WASL: variants seen among roughly 807,000 people sequenced by gnomAD.
WASL encodes actin nucleation-promoting factor WASL.
WASL carries 20 observed loss-of-function variants against 55.5 expected under a neutral mutation model. That is an observed-to-expected ratio of 0.36 (90% confidence interval 0.25 to 0.52). The LOEUF is 0.52. Ranked by LOEUF, WASL falls within the 20% of genes least tolerant of loss-of-function variation. WASL has a pLI of 0.92. For missense variants in WASL, 504 were observed against 622.5 expected, an observed-to-expected ratio of 0.81 and a Z score of 2.03; for synonymous variants, 249 against 217.6, an observed-to-expected ratio of 1.14 and a Z score of -1.27.
chr7:123,747,629 A>G (rs1804455509), intron 1 of WASL, among the ~76,000 whole-genome samples: 1 of 152,208 alleles, frequency 6.6e-6, no homozygotes, highest in African/African-American at 2.4e-5. Context: ...CCAGTGGCAC[A>G]TACTCTGCAG....
At chr7:123,706,883 A>T in intron 2 of WASL, 57 bp from the exon 3 acceptor site, 1 of 1,114,766 alleles carries the variant, frequency 9.0e-7, no homozygotes, top group Non-Finnish European at 1.3e-6. Context: ...TCTAGGAATA[A>T]AACAAAGAAG....
At chr7:123,743,336 CAAAAAAAA>C (rs35592197) in intron 1 of WASL, among the ~76,000 whole-genome samples, 2 of 106,216 alleles carry the variant, frequency 1.9e-5, no homozygotes, top group African/African-American at 3.4e-5. Context: ...GACTCTGTCT[CAAAAAAAA>C]AAAAAAAAAA....
intron 10 of WASL, among the ~76,000 whole-genome samples, chr7:123,687,233 G>C (rs946254644): frequency 2.6e-5 from 4 of 151,958 alleles, no homozygotes; most frequent in African/African-American, 9.7e-5. Context: ...TATAAACCTG[G>C]TTCAAGCCTC....
chr7:123,712,748 T>A (rs1326364780), intron 1 of WASL, among the ~76,000 whole-genome samples: 1 of 152,192 alleles, frequency 6.6e-6, no homozygotes, highest in African/African-American at 2.4e-5. Context: ...TGTTAGCCAC[T>A]GCTGCAATGG....
intron 1 of WASL, among the ~76,000 whole-genome samples, 173 bp downstream of exon 1, chr7:123,748,445 C>A (rs1024927969): frequency 6.6e-6 from 1 of 152,020 alleles, no homozygotes; most frequent in South Asian, 2.1e-4. Flanking sequence ...CGCCACGGCC[C>A]GCACCCTGGG....
rs143209894 is a variant in WASL at position 123,691,334 on chromosome 7, C to T, written c.1347+1013G>A. On this transcript the variant is annotated intron_variant, in intron 9 of 10. Transcript: ENST00000223023. Reference sequence around the variant, plus strand: ...TATGTAAATGTAGACAGGTTAGGTTCTAGGATAGGAGTCAGCAAACTTGAG... The same window carrying T: ...TATGTAAATGTAGACAGGTTAGGTTTTAGGATAGGAGTCAGCAAACTTGAG... Among the ~76,000 whole-genome samples, 376 of 152,168 alleles carry T rather than the reference C, an allele frequency of 2.5e-3. 3 individuals carry two copies. Among genetic ancestry groups the T allele is most frequent in the African/African-American group, 8.4e-3 (350 of 41,526 alleles).
intron 1 of WASL, among the ~76,000 whole-genome samples, chr7:123,746,588 A>C (rs1804434188): frequency 6.6e-6 from 1 of 152,234 alleles, no homozygotes; most frequent in Non-Finnish European, 1.5e-5. Context: ...ATTTGCAACG[A>C]CTTCATCCCA....
chr7:123,741,127 G>T (rs1163346221), intron 1 of WASL, among the ~76,000 whole-genome samples: 1 of 152,106 alleles, frequency 6.6e-6, no homozygotes, highest in Non-Finnish European at 1.5e-5. Context: ...TCCTGTCCAG[G>T]GTTGGTTCTT....
At chr7:123,740,595 CTT>C (rs939774304) in intron 1 of WASL, among the ~76,000 whole-genome samples, 1 of 149,770 alleles carries the variant, frequency 6.7e-6, no homozygotes. Context: ...TTCATCATAA[CTT>C]TTTTTTTTGT....
chr7:123,745,756 A>C (rs1191648517), intron 1 of WASL, among the ~76,000 whole-genome samples: 2 of 151,912 alleles, frequency 1.3e-5, no homozygotes, highest in Non-Finnish European at 2.9e-5. Flanking sequence ...TTCATACCTA[A>C]ATCTGAGAGC....
At chr7:123,725,475 C>T (rs1804026467) in intron 1 of WASL, among the ~76,000 whole-genome samples, 1 of 151,730 alleles carries the variant, frequency 6.6e-6, no homozygotes, top group South Asian at 2.1e-4. Flanking sequence ...CCTCTGAAAC[C>T]TATTTCTATT....
chr7:123,685,953 A>G (rs1256187991), intron 10 of WASL, among the ~76,000 whole-genome samples: 1 of 149,436 alleles, frequency 6.7e-6, no homozygotes, highest in Admixed American at 6.7e-5. Flanking sequence ...GTGGCTGAGT[A>G]ATTGTACTTG....
At chr7:123,725,201 C>T (rs1024106138) in intron 1 of WASL, among the ~76,000 whole-genome samples, 3 of 152,152 alleles carry the variant, frequency 2.0e-5, no homozygotes, top group African/African-American at 4.8e-5. Flanking sequence ...GTTTTCAAGA[C>T]GGTCTTAAAA....
In WASL at chr7:123,727,465, A is replaced by G. The variant is rs149364649; in HGVS notation, c.118-18242T>C. Among the ~76,000 whole-genome samples the G allele has an allele frequency of 3.9e-3, 598 of 152,146 alleles. 3 individuals carry two copies. The highest frequency in any genetic ancestry group is 9.4e-3 in the African/African-American group (390 of 41,506). Reference sequence around the variant, plus strand: ...ATATCCATTAACAGAAGAACAGACAAACAAATTGTGGTAAATTCATGGTAA... The same window carrying G: ...ATATCCATTAACAGAAGAACAGACAGACAAATTGTGGTAAATTCATGGTAA... On this transcript the variant is annotated intron_variant, in intron 1 of 10. Transcript: ENST00000223023.
chr7:123,709,329 T>C, intron 1 of WASL, 106 bp from the exon 2 acceptor site: 1 of 861,934 alleles, frequency 1.2e-6, no homozygotes, highest in Non-Finnish European at 1.6e-6. Flanking sequence ...TGCTCCTAAA[T>C]TCCTGATTCA....
At chr7:123,694,143 A>C (rs1157240233) in intron 8 of WASL, among the ~76,000 whole-genome samples, 2 of 152,188 alleles carry the variant, frequency 1.3e-5, no homozygotes, top group Non-Finnish European at 2.9e-5. Context: ...GATGACTGTT[A>C]ATTGGAAAAT....
intron 1 of WASL, among the ~76,000 whole-genome samples, chr7:123,717,747 G>A (rs940100375): frequency 2.0e-5 from 3 of 152,058 alleles, no homozygotes; most frequent in Non-Finnish European, 2.9e-5. Context: ...CACAGCTATC[G>A]ATAGTAAATA....
At chr7:123,703,788 C>T (rs1189257803) in intron 5 of WASL, among the ~76,000 whole-genome samples, 1 of 152,110 alleles carries the variant, frequency 6.6e-6, no homozygotes, top group East Asian at 1.9e-4. Context: ...AATAATCATT[C>T]TAGGTTCTGA....
intron 1 of WASL, among the ~76,000 whole-genome samples, chr7:123,748,102 A>G (rs922374148): frequency 2.6e-5 from 4 of 152,132 alleles, no homozygotes; most frequent in African/African-American, 9.7e-5. Context: ...TCTAATCCGA[A>G]GAGAGCCCAG....
Sources: gnomAD v4.1 joint callset for allele counts (sites outside exome capture counted in the v4.1 genomes callset) on GRCh38, gnomAD v4.1.1 for gene constraint, MANE v1.5 for transcripts, NCBI Gene and HGNC (gene_info 2026-07-23, HGNC 2026-07-21) for gene names.